The following KLK6 variants were observed in gnomAD, a reference collection of about 807,000 sequenced individuals.
The protein encoded by KLK6 is kallikrein related peptidase 6, also known as kallikrein-6.
KLK6 carries 16 observed loss-of-function variants against 21.7 expected under a neutral mutation model. That is an observed-to-expected ratio of 0.74 (90% CI 0.50 to 1.12). KLK6 has a LOEUF of 1.12. KLK6 is among the 50% of genes most tolerant of loss of function. The probability of loss-of-function intolerance (pLI) is 0.00; values close to 1 mark genes in which losing one functional copy is unlikely to be tolerated. For synonymous variants in KLK6, 116 were observed against 120.1 expected, an observed-to-expected ratio of 0.97 and a Z score of 0.22; for missense variants, 276 against 304.6, an observed-to-expected ratio of 0.91 and a Z score of 0.70.
intron 6 of KLK6, among the ~76,000 whole-genome samples, chr19:50,960,175 T>A (rs1368670353): frequency 7.1e-6 from 1 of 141,818 alleles, no homozygotes; most frequent in Non-Finnish European, 1.5e-5. Flanking sequence ...AAGACCCAGG[T>A]GGGAGAGGTA....
In KLK6 at chr19:50,963,463, T is replaced by TGGATCACAGCCCGGAC; in HGVS notation, c.268_283dup (p.His95ArgfsTer8). The TGGATCACAGCCCGGAC allele has an allele frequency of 6.2e-7, 1 of 1,613,978 alleles. No individual in the cohort carries two copies. The highest frequency in any genetic ancestry group is 8.5e-7 in the Non-Finnish European group (1 of 1,180,014). ...ATGGCTGGCGGCATCATAGTCAGGG[T>TGGATCACAGCCCGGAC]GGATCACAGCCCGGACAACAGAACT... On this transcript the variant is annotated frameshift_variant, in exon 5 of 7. Coordinates refer to ENST00000310157, the MANE Select transcript of KLK6 (RefSeq NM_002774.4). LOFTEE classifies it high-confidence loss of function.
intron 6 of KLK6, among the ~76,000 whole-genome samples, chr19:50,960,681 C>T (rs1358384399): frequency 6.6e-6 from 1 of 152,166 alleles, no homozygotes; most frequent in Non-Finnish European, 1.5e-5. Context: ...CAGCCTCTGC[C>T]TCCTGGGTTT....
intron 4 of KLK6, among the ~76,000 whole-genome samples, chr19:50,965,371 G>A (rs1014015466): frequency 2.0e-5 from 3 of 151,384 alleles, no homozygotes; most frequent in Admixed American, 6.6e-5. Context: ...TGCAACCTCC[G>A]CCTCCCACGT....
Position 50,967,296 on chromosome 19 carries a change from G to T in KLK6, c.70C>A (p.His24Asn). ...AWAEEQNKLVHGGPCDKTSHP... is the reference protein window; with the variant it reads ...AWAEEQNKLVNGGPCDKTSHP... Reference sequence around the variant, plus strand: ...GATGTCTTGTCGCAGGGTCCGCCATGCACCAACTTATTCTGCTCCTCTGCC... The same window carrying T: ...GATGTCTTGTCGCAGGGTCCGCCATTCACCAACTTATTCTGCTCCTCTGCC... Residue 24 changes from histidine to asparagine, a missense_variant, in exon 4 of 7, where the codon CAT (histidine) becomes AAT (asparagine). His to Asn is a moderately conservative substitution (Grantham distance 68, BLOSUM62 1). Coordinates refer to ENST00000310157, the MANE Select transcript of KLK6 (RefSeq NM_002774.4). 1.2e-6 allele frequency: 2 copies of T among 1,612,972 alleles called. No individual in the cohort carries two copies. The highest frequency in any genetic ancestry group is 1.7e-6 in the Non-Finnish European group (2 of 1,179,340).
chr19:50,964,669 C>T (rs562968428), intron 4 of KLK6, among the ~76,000 whole-genome samples: 28 of 152,274 alleles, frequency 1.8e-4, no homozygotes, highest in African/African-American at 6.7e-4. Flanking sequence ...ATCTCCAGTG[C>T]GTTGATCAGC....
In KLK6 at chr19:50,958,910, G is replaced by T; in HGVS notation, c.*254C>A. ...GGTTGGGGAGAGGAGATGCCTAGAAGGGATTTTCCTGTATTCTCTTAGTGG... is the reference window on the plus strand; with the variant it reads ...GGTTGGGGAGAGGAGATGCCTAGAATGGATTTTCCTGTATTCTCTTAGTGG... On this transcript the variant is annotated 3_prime_UTR_variant, in exon 7 of 7. Coordinates refer to ENST00000310157, the MANE Select transcript of KLK6 (RefSeq NM_002774.4). The T allele has an allele frequency of 2.0e-6, 1 of 501,406 alleles. No individual in the cohort carries two copies. The allele number at this position is 501,406 out of a possible 1,614,324, so 31.1% of individuals were successfully genotyped here.
chr19:50,965,860 A>G (rs1387770551), intron 4 of KLK6, among the ~76,000 whole-genome samples: 2 of 152,184 alleles, frequency 1.3e-5, no homozygotes, highest in East Asian at 3.9e-4. Flanking sequence ...TGGGCATTCC[A>G]GGAAAGGTGT....
At position 50,968,162 on chromosome 19, in the gene KLK6, C is replaced by T. The variant is rs766796822; in HGVS notation, c.-8-50G>A. ...ATTAGTCACTGCCTCGACCCTCCCCCCATCCCTCTGTCTGCTCCCTCTGCA... is the reference window on the plus strand; with the variant it reads ...ATTAGTCACTGCCTCGACCCTCCCCTCATCCCTCTGTCTGCTCCCTCTGCA... On this transcript the variant is annotated intron_variant, in intron 2 of 6. Coordinates refer to ENST00000310157, the MANE Select transcript of KLK6 (RefSeq NM_002774.4). 2.6e-6 allele frequency: 4 copies of T among 1,538,904 alleles called. No individual in the cohort carries two copies. The South Asian group carries it at 3.3e-5, about 13-fold the overall frequency.
intron 6 of KLK6, among the ~76,000 whole-genome samples, chr19:50,961,061 T>A (rs975028477): frequency 6.7e-6 from 1 of 149,750 alleles, no homozygotes; most frequent in African/African-American, 2.5e-5. Context: ...ACTGTGCCCA[T>A]CCTAATTTTT....
In KLK6 at chr19:50,963,811, G is replaced by A. The variant is rs577953395; in HGVS notation, c.198-262C>T. Among the ~76,000 whole-genome samples the A allele has an allele frequency of 8.5e-5, 13 of 152,124 alleles. No individual in the cohort carries two copies. The South Asian group carries it at 1.7e-3, about 19-fold the overall frequency. ...TCTGGCCACATCTCACCTTTCCCACGGCTACCATCTTGGTTTGAGCTGCCT... is the reference window on the plus strand; with the variant it reads ...TCTGGCCACATCTCACCTTTCCCACAGCTACCATCTTGGTTTGAGCTGCCT... On this transcript the variant is annotated intron_variant, in intron 4 of 6. Transcript: ENST00000310157.
At chr19:50,964,752 T>C (rs1022141098) in intron 4 of KLK6, among the ~76,000 whole-genome samples, 1 of 152,228 alleles carries the variant, frequency 6.6e-6, no homozygotes, top group African/African-American at 2.4e-5. Context: ...ACATCACCCA[T>C]GGCTCCCCAT....
Position 50,959,363 on chromosome 19 carries a change from C to CTGTGTGTG in KLK6, c.583-55_583-48dup, listed in dbSNP as rs71185782. 1,407 of 841,662 alleles carry CTGTGTGTG rather than the reference C, an allele frequency of 1.7e-3. 2 individuals are homozygous for CTGTGTGTG. Among genetic ancestry groups the CTGTGTGTG allele is most frequent in the South Asian group, 2.7e-3 (150 of 56,552 alleles). The allele number at this position is 841,662 out of a possible 1,614,324, so 52.1% of individuals were successfully genotyped here. A position where few individuals can be genotyped will look rare whatever the true frequency, so the allele number is the denominator to read the frequency against. On this transcript the variant is annotated intron_variant, in intron 6 of 6. Coordinates refer to ENST00000310157, the MANE Select transcript of KLK6 (RefSeq NM_002774.4). ...TCAGATACAGATAGAAACCCAGAGA[C>CTGTGTGTG]TGTGTGTGTGTGTGTGTGTGTGTGT... is the stretch of plus-strand genomic sequence containing the variant.
chr19:50,968,156 C>T (rs1381934841), intron 2 of KLK6, 44 bp from the exon 3 acceptor site: 3 of 1,558,266 alleles, frequency 1.9e-6, no homozygotes, highest in Non-Finnish European at 2.7e-6. Context: ...TGCCTCGACC[C>T]TCCCCCCATC....
intron 5 of KLK6, among the ~76,000 whole-genome samples, chr19:50,962,988 G>T (rs1292717850): frequency 6.6e-6 from 1 of 151,974 alleles, no homozygotes; most frequent in African/African-American, 2.4e-5. Flanking sequence ...AGTCCCCTTT[G>T]ACCTTTGACA....
intron 4 of KLK6, 147 bp downstream of exon 4, chr19:50,967,022 C>G: frequency 1.3e-6 from 1 of 769,066 alleles, no homozygotes; most frequent in Admixed American, 2.3e-5. Flanking sequence ...ACATTAAGTA[C>G]TCAATTAAGC....
At chr19:50,959,828 A>AGG in intron 6 of KLK6, among the ~76,000 whole-genome samples, 1 of 32,596 alleles carries the variant, frequency 3.1e-5, no homozygotes, top group African/African-American at 1.5e-4. Context: ...GAGGAGGAGG[A>AGG]AGAGGAGAAG....
chr19:50,961,849 G>A lies in KLK6; in HGVS notation c.477C>T (p.Tyr159=), dbSNP rs2123628132. 2 of 1,614,024 alleles carry A rather than the reference G, an allele frequency of 1.2e-6. No homozygotes were observed. The highest frequency in any genetic ancestry group is 1.3e-5 in the African/African-American group (1 of 75,038). The stretch of plus-strand genomic sequence containing the variant: ...ACTCCTCACGGGACACCAGGTGGAT[G>A]TATGCACACTGGATGGTGTCAGGGA... ...GDFPDTIQCA[Y]IHLVSREECE... is the part of the protein sequence containing the mutation. Residue 159 remains tyrosine, a synonymous_variant, in exon 6 of 7, where the codon TAC becomes TAT. Coordinates refer to ENST00000310157, the MANE Select transcript of KLK6 (RefSeq NM_002774.4).
In KLK6 at chr19:50,959,280, G is replaced by A. The variant is rs2090766290; in HGVS notation, c.619C>T (p.Leu207Phe). The A allele has an allele frequency of 6.2e-7, 1 of 1,613,966 alleles. No homozygotes were observed. The highest frequency in any genetic ancestry group is 8.5e-7 in the Non-Finnish European group (1 of 1,179,978). ...TTACCCCATGACACAAGGCCTCGGA[G>A]GTGGTCTCCACATACCAGCGGACCC... ...SGGPLVCGDH[L>F]RGLVSWGNIP... Residue 207 changes from leucine to phenylalanine, a missense_variant, in exon 7 of 7, where the codon CTC (leucine) becomes TTC (phenylalanine). Coordinates refer to ENST00000310157, the MANE Select transcript of KLK6 (RefSeq NM_002774.4).
At chr19:50,966,508 G>A (rs1324208830) in intron 4 of KLK6, among the ~76,000 whole-genome samples, 1 of 152,218 alleles carries the variant, frequency 6.6e-6, no homozygotes, top group Non-Finnish European at 1.5e-5. Flanking sequence ...TTGTAAAAAT[G>A]TAAATCAGGC....
Sources: gnomAD v4.1 joint callset for allele counts (sites outside exome capture counted in the v4.1 genomes callset) on GRCh38, gnomAD v4.1.1 for gene constraint, MANE v1.5 for transcripts, NCBI Gene and HGNC (gene_info 2026-07-23, HGNC 2026-07-21) for gene names.